Variants in UPRT observed in about 807,000 individuals in gnomAD.
UPRT encodes RP11-311P8.3.
Under a neutral mutation model 22.6 loss-of-function variants are expected in UPRT, and 5 were observed. The observed-to-expected ratio is 0.22, with a 90% confidence interval of 0.12 to 0.47. The LOEUF (loss-of-function observed/expected upper bound fraction) is 0.47. Among genes scored for constraint, UPRT ranks in the 20% least tolerant of loss-of-function variants. The pLI, the probability that UPRT is intolerant of heterozygous loss-of-function variation, is 0.99. For synonymous variants in UPRT, 77 were observed against 87.7 expected, an observed-to-expected ratio of 0.88 and a Z score of 0.68; for missense variants, 181 against 239.9, an observed-to-expected ratio of 0.75 and a Z score of 1.62.
rs927563542 is a variant in UPRT, at chrX:75,245,894, C to T, written c.-446-45130C>T. Among the ~76,000 whole-genome samples, 10 of 111,122 alleles carry T rather than the reference C, an allele frequency of 9.0e-5. 1 individual carries two copies. The highest frequency in any genetic ancestry group is 5.8e-4 in the Admixed American group (6 of 10,386). On this transcript the variant is annotated intron_variant, in intron 4 of 13. Coordinates refer to the UPRT transcript ENST00000652605. ...AATCTGTATATCAACCCATGTGACA[C>T]GGAAATTACCTGAATAACAAACCTG...
chrX:75,286,438 TATTTAA>T (rs2082681145), intron 1 of UPRT, among the ~76,000 whole-genome samples: 2 of 111,272 alleles, frequency 1.8e-5, no homozygotes, highest in Admixed American at 1.9e-4. Flanking sequence ...GAGAGTGATA[TATTTAA>T]ATTTTTGAAA....
intron 4 of UPRT, among the ~76,000 whole-genome samples, chrX:75,224,347 T>G (rs1245375132): frequency 8.9e-6 from 1 of 111,816 alleles, no homozygotes; most frequent in African/African-American, 3.2e-5. Context: ...TATTGGAAAC[T>G]GGACATTTGA....
chrX:75,299,347 C>T (rs1464190019), intron 4 of UPRT, among the ~76,000 whole-genome samples: 1 of 112,166 alleles, frequency 8.9e-6, no homozygotes, highest in African/African-American at 3.2e-5. Context: ...TGCATTTTCT[C>T]ATACAAAAGT....
At chrX:75,283,308 T>C (rs1013189895) in intron 1 of UPRT, among the ~76,000 whole-genome samples, 3 of 111,899 alleles carry the variant, frequency 2.7e-5, no homozygotes, top group Non-Finnish European at 5.6e-5. Context: ...TTCTGTTGCA[T>C]TGATTGTGCT....
chrX:75,228,907 C>G (rs1200377698), intron 4 of UPRT, among the ~76,000 whole-genome samples: 1 of 111,721 alleles, frequency 9.0e-6, no homozygotes, highest in Non-Finnish European at 1.9e-5. Context: ...AAGCCAGACA[C>G]AGAAAAAAGA....
At chrX:75,250,835 C>A (rs1444379194) in intron 4 of UPRT, among the ~76,000 whole-genome samples, 1 of 111,787 alleles carries the variant, frequency 8.9e-6, no homozygotes, top group Non-Finnish European at 1.9e-5. Flanking sequence ...AAACCAAATC[C>A]AGCAGCACAT....
intron 4 of UPRT, among the ~76,000 whole-genome samples, chrX:75,191,659 A>G (rs1481527973): frequency 1.8e-5 from 2 of 112,141 alleles, no homozygotes; most frequent in Non-Finnish European, 3.8e-5. Flanking sequence ...AGCCTCAGCA[A>G]TGGTGGGTGC....
At position 75,257,086 on chromosome X, in the gene UPRT, T is replaced by G. The variant is rs1482397865; in HGVS notation, c.-446-33938T>G. 2.7e-5 allele frequency among the ~76,000 whole-genome samples: 3 copies of G among 112,085 alleles called. No individual in the cohort carries two copies. The East Asian group carries it at 8.4e-4, about 31-fold the overall frequency. ...AACCAAAAAAGAAAAGTACAGACAGTATCCCTGATGTACATAGATGCTAAA... is the reference window on the plus strand; with the variant it reads ...AACCAAAAAAGAAAAGTACAGACAGGATCCCTGATGTACATAGATGCTAAA... On this transcript the variant is annotated intron_variant, in intron 4 of 13. Transcript: ENST00000652605.
chrX:75,159,532 G>C (rs1444672529), intron 1 of UPRT, among the ~76,000 whole-genome samples: 1 of 111,703 alleles, frequency 9.0e-6, no homozygotes. Flanking sequence ...CCCGATGCCA[G>C]ACTTAAATAT....
intron 3 of UPRT, among the ~76,000 whole-genome samples, chrX:75,165,143 T>A (rs930409214): frequency 1.8e-5 from 2 of 110,085 alleles, no homozygotes. Flanking sequence ...CCCCCTAGTA[T>A]GTCCATTTCC....
At chrX:75,223,508 T>C (rs1240705626) in intron 4 of UPRT, among the ~76,000 whole-genome samples, 1 of 111,350 alleles carries the variant, frequency 9.0e-6, no homozygotes, top group Admixed American at 9.5e-5. Context: ...GCTTGCTGAA[T>C]ATCAAGTTCT....
At chrX:75,295,202 G>A (rs1349896663) in intron 2 of UPRT, among the ~76,000 whole-genome samples, 4 of 109,919 alleles carry the variant, frequency 3.6e-5, no homozygotes, top group Non-Finnish European at 7.6e-5. Context: ...TGGCTTCCTT[G>A]GCCCTCAGAT....
At chrX:75,249,515 C>T (rs1226276221) in intron 4 of UPRT, among the ~76,000 whole-genome samples, 1 of 111,552 alleles carries the variant, frequency 9.0e-6, no homozygotes, top group African/African-American at 3.3e-5. Context: ...GCTGACAATC[C>T]TAAATATATA....
At chrX:75,186,266 C>T (rs867046158) in intron 4 of UPRT, among the ~76,000 whole-genome samples, 5 of 111,561 alleles carry the variant, frequency 4.5e-5, no homozygotes, top group African/African-American at 1.6e-4. Context: ...TTTCTGCCGT[C>T]ATTTCGTTAT....
At chrX:75,241,804 G>A (rs2082489518) in intron 4 of UPRT, among the ~76,000 whole-genome samples, 1 of 111,589 alleles carries the variant, frequency 9.0e-6, no homozygotes, top group African/African-American at 3.2e-5. Context: ...ATTATTCTAA[G>A]TGAAGTAACT....
rs751848008 is a variant in UPRT, at chrX:75,185,785, C to G, written c.-447+17906C>G. 8.9e-5 allele frequency among the ~76,000 whole-genome samples: 10 copies of G among 111,927 alleles called. 1 individual carries two copies. The South Asian group carries it at 3.8e-3, about 42-fold the overall frequency. On this transcript the variant is annotated intron_variant, in intron 4 of 13. Transcript: ENST00000652605. ...GTGTCGATGAATTTATCCATTTCTT[C>G]TAGATTTTCTAGTTTATTTGCGTAG...
chrX:75,199,317 G>C (rs1373586588), intron 4 of UPRT, among the ~76,000 whole-genome samples: 1 of 111,592 alleles, frequency 9.0e-6, no homozygotes, highest in Non-Finnish European at 1.9e-5. Flanking sequence ...AGATGACTTT[G>C]TCTTGCATCT....
At chrX:75,223,819 T>C (rs775038828) in intron 4 of UPRT, among the ~76,000 whole-genome samples, 7 of 111,929 alleles carry the variant, frequency 6.3e-5, no homozygotes, top group Non-Finnish European at 1.1e-4. Flanking sequence ...TGATCAGTCA[T>C]TTGATTTTTG....
At chrX:75,249,440 A>G (rs764061739) in intron 4 of UPRT, among the ~76,000 whole-genome samples, 43 of 111,995 alleles carry the variant, frequency 3.8e-4, no homozygotes, top group African/African-American at 1.4e-3. Context: ...TTTTAAACCA[A>G]CAAAGATCAA....
Sources: gnomAD v4.1 joint callset for allele counts (sites outside exome capture counted in the v4.1 genomes callset) on GRCh38, gnomAD v4.1.1 for gene constraint, MANE v1.5 for transcripts, NCBI Gene and HGNC (gene_info 2026-07-23, HGNC 2026-07-21) for gene names.